NOSTRIN: variants seen among roughly 807,000 people sequenced by gnomAD.
NOSTRIN encodes the protein nitric oxide synthase trafficking.
Under a neutral mutation model 59.0 loss-of-function variants are expected in NOSTRIN, and 63 were observed. The observed-to-expected ratio is 1.07, with a 90% CI of 0.87 to 1.32. The LOEUF (loss-of-function observed/expected upper bound fraction) is 1.32, where lower values mean the gene tolerates loss of function less well. NOSTRIN is among the 40% of genes most tolerant of loss of function. NOSTRIN has a pLI of 0.00. For synonymous variants in NOSTRIN, 200 were observed against 165.4 expected, an observed-to-expected ratio of 1.21 and a Z score of -1.61; for missense variants, 512 against 473.1, an observed-to-expected ratio of 1.08 and a Z score of -0.76.
At chr2:168,820,541 A>G (rs1459773337) in intron 2 of NOSTRIN, among the ~76,000 whole-genome samples, 1 of 152,106 alleles carries the variant, frequency 6.6e-6, no homozygotes, top group East Asian at 1.9e-4. Context: ...TTTAACCTGT[A>G]TACCATGCTA....
At chr2:168,794,537 G>T (rs923210844), upstream of NOSTRIN, among the ~76,000 whole-genome samples, 21 of 152,022 alleles carry the variant, frequency 1.4e-4, no homozygotes, top group African/African-American at 5.1e-4. Flanking sequence ...GTTTTTACTA[G>T]AGACGGGGTT....
intron 3 of NOSTRIN, among the ~76,000 whole-genome samples, chr2:168,827,845 A>T (rs1026716847): frequency 7.2e-5 from 11 of 151,760 alleles, no homozygotes; most frequent in Non-Finnish European, 2.9e-5. Context: ...AAGTGCTGGG[A>T]TTTACAGGCA....
chr2:168,815,730 G>A (rs1686361615), intron 2 of NOSTRIN, among the ~76,000 whole-genome samples: 1 of 152,184 alleles, frequency 6.6e-6, no homozygotes, highest in African/African-American at 2.4e-5. Flanking sequence ...ATTTACAAAT[G>A]TGCAGTACTA....
intron 7 of NOSTRIN, among the ~76,000 whole-genome samples, 198 bp downstream of exon 7, chr2:168,834,523 A>ACACACGCG (rs1559123160): frequency 6.9e-6 from 1 of 145,760 alleles, no homozygotes; most frequent in Non-Finnish European, 1.5e-5. Flanking sequence ...ACACACACAC[A>ACACACGCG]CACACACACA....
intron 7 of NOSTRIN, among the ~76,000 whole-genome samples, chr2:168,840,544 A>AAAC (rs1553529589): frequency 3.3e-5 from 5 of 151,444 alleles, no homozygotes; most frequent in African/African-American, 1.2e-4. Context: ...AAAAAAAAAA[A>AAAC]AAAAAAACAA....
intron 15 of NOSTRIN, chr2:168,863,748 G>A (rs1689644519): frequency 2.7e-6 from 2 of 748,236 alleles, no homozygotes; most frequent in Non-Finnish European, 3.3e-6. Context: ...AAGACTGTTG[G>A]TGAGACATAC....
upstream of NOSTRIN, among the ~76,000 whole-genome samples, chr2:168,795,886 A>G (rs924915748): frequency 1.3e-5 from 2 of 152,252 alleles, no homozygotes; most frequent in African/African-American, 4.8e-5. Flanking sequence ...TAAAGTACTC[A>G]TAAGTGCTTC....
At chr2:168,805,464 T>C (rs1216152684) in intron 1 of NOSTRIN, among the ~76,000 whole-genome samples, 1 of 152,198 alleles carries the variant, frequency 6.6e-6, no homozygotes, top group Non-Finnish European at 1.5e-5. Flanking sequence ...TTCAAATCCA[T>C]GTGCAAGAAA....
intron 10 of NOSTRIN, among the ~76,000 whole-genome samples, chr2:168,853,706 G>C (rs935583306): frequency 6.6e-6 from 1 of 152,148 alleles, no homozygotes; most frequent in Non-Finnish European, 1.5e-5. Flanking sequence ...AGTTTACTTG[G>C]GGGTGTGATG....
chr2:168,789,674 C>T (rs540442055), intron 2 of NOSTRIN, among the ~76,000 whole-genome samples: 232 of 152,050 alleles, frequency 1.5e-3, no homozygotes, highest in Non-Finnish European at 2.0e-3. Flanking sequence ...AGTGGAGGTG[C>T]GGTTAATTGG....
intron 2 of NOSTRIN, chr2:168,812,064 G>T: frequency 6.5e-6 from 1 of 153,652 alleles, no homozygotes; most frequent in Non-Finnish European, 1.4e-5. Flanking sequence ...CTGGCCTTTT[G>T]ATTTCCTTAG....
upstream of NOSTRIN, among the ~76,000 whole-genome samples, chr2:168,796,119 G>T (rs945041408): frequency 6.6e-6 from 1 of 152,204 alleles, no homozygotes; most frequent in African/African-American, 2.4e-5. Flanking sequence ...TCCATCTGAG[G>T]GTGATTGGTG....
intron 15 of NOSTRIN, 62 bp from the exon 16 acceptor site, chr2:168,864,772 C>T: frequency 1.3e-6 from 2 of 1,583,194 alleles, no homozygotes; most frequent in Non-Finnish European, 1.7e-6. Flanking sequence ...AAACTCTTAT[C>T]AATCGGGCTG....
chr2:168,850,210 G>A lies in NOSTRIN; in HGVS notation c.631-874G>A, dbSNP rs544125555. 7.2e-5 allele frequency among the ~76,000 whole-genome samples: 11 copies of A among 152,240 alleles called. No homozygotes were observed. In the East Asian group the frequency reaches 2.1e-3, roughly 29 times the overall value. On this transcript the variant is annotated intron_variant, in intron 8 of 15. Transcript: ENST00000317647. ...TTATAGGCATGAGCCACTGTGCCCG[G>A]CCTCTAAAATGTTAATAGCTAACAA...
At chr2:168,826,425 TCTTTCTTTC>T (rs1229387127) in intron 3 of NOSTRIN, among the ~76,000 whole-genome samples, 1 of 152,186 alleles carries the variant, frequency 6.6e-6, no homozygotes, top group Non-Finnish European at 1.5e-5. Context: ...TTTCTCTCTT[TCTTTCTTTC>T]CTTTCTTTCT....
chr2:168,792,694 T>C (rs2105499407), intron 2 of NOSTRIN, among the ~76,000 whole-genome samples: 1 of 152,240 alleles, frequency 6.6e-6, no homozygotes, highest in Non-Finnish European at 1.5e-5. Flanking sequence ...TTGCTCAGGC[T>C]AGTCTGAACT....
intron 12 of NOSTRIN, among the ~76,000 whole-genome samples, chr2:168,857,436 G>T (rs1383650878): frequency 6.7e-6 from 1 of 150,128 alleles, no homozygotes. Flanking sequence ...TGAGGGCAAA[G>T]TTCTTTAAGG....
chr2:168,859,226 G>T, intron 12 of NOSTRIN: 1 of 267,640 alleles, frequency 3.7e-6, no homozygotes, highest in Non-Finnish European at 7.0e-6. Context: ...GCAGAAAATT[G>T]AGTAAAACCT....
chr2:168,838,778 TA>T (rs199770470), intron 7 of NOSTRIN, among the ~76,000 whole-genome samples: 1 of 137,478 alleles, frequency 7.3e-6, no homozygotes, highest in East Asian at 2.2e-4. Context: ...TCAGAATAAA[TA>T]AAAAAAACTC....
Sources: gnomAD v4.1 joint callset for allele counts (sites outside exome capture counted in the v4.1 genomes callset) on GRCh38, gnomAD v4.1.1 for gene constraint, MANE v1.5 for transcripts, NCBI Gene and HGNC (gene_info 2026-07-23, HGNC 2026-07-21) for gene names.